The following PCBD2 variants were observed in gnomAD, a reference collection of about 807,000 sequenced individuals.
The protein encoded by PCBD2 is pterin-4-alpha-carbinolamine dehydratase 2.
A neutral mutation model predicts 16.4 loss-of-function variants in PCBD2; 12 were observed. The observed-to-expected ratio is 0.73, with a 90% CI of 0.47 to 1.19. PCBD2 has a LOEUF of 1.19. Among genes scored for constraint, PCBD2 ranks in the 50% most tolerant of loss-of-function variants. The pLI, the probability that PCBD2 is intolerant of heterozygous loss-of-function variation, is 0.00. For missense variants in PCBD2, 138 were observed against 156.8 expected (o/e 0.88, Z 0.64); for synonymous variants, 58 against 61.8 (o/e 0.94, Z 0.29).
intron 1 of PCBD2, among the ~76,000 whole-genome samples, chr5:134,906,792 A>C (rs1292973571): frequency 6.6e-6 from 1 of 152,204 alleles, no homozygotes; most frequent in African/African-American, 2.4e-5. Context: ...AGGATCCCGG[A>C]ATTCAGAAAA....
chr5:134,944,323 G>A (rs1378283291), intron 2 of PCBD2, among the ~76,000 whole-genome samples: 1 of 152,136 alleles, frequency 6.6e-6, no homozygotes, highest in African/African-American at 2.4e-5. Flanking sequence ...AAATGAACAT[G>A]GTCAATGCCA....
At chr5:134,917,650 T>C (rs1750849949) in intron 2 of PCBD2, among the ~76,000 whole-genome samples, 1 of 152,198 alleles carries the variant, frequency 6.6e-6, no homozygotes, top group Non-Finnish European at 1.5e-5. Context: ...ATTGGTTTTG[T>C]ATCTTGTTCA....
intron 2 of PCBD2, among the ~76,000 whole-genome samples, chr5:134,929,231 C>T (rs1751061257): frequency 6.6e-6 from 1 of 151,796 alleles, no homozygotes; most frequent in Non-Finnish European, 1.5e-5. Context: ...CCTGTAATCC[C>T]AGCATTTTGG....
intron 2 of PCBD2, among the ~76,000 whole-genome samples, chr5:134,918,781 T>G (rs1750864960): frequency 6.6e-6 from 1 of 152,242 alleles, no homozygotes; most frequent in Admixed American, 6.5e-5. Flanking sequence ...GTGTTCATGT[T>G]GGTGTTCCCT....
intron 2 of PCBD2, among the ~76,000 whole-genome samples, chr5:134,914,938 G>T (rs1227592699): frequency 6.6e-6 from 1 of 152,168 alleles, no homozygotes; most frequent in Non-Finnish European, 1.5e-5. Context: ...CTACCAAAGT[G>T]TTGGGATTAC....
chr5:134,939,340 GT>G (rs11301782), intron 2 of PCBD2, among the ~76,000 whole-genome samples: 8,391 of 138,456 alleles, frequency 0.061, 451 homozygotes, highest in African/African-American at 0.16. Flanking sequence ...ATGTTTTGTT[GT>G]TTTTTTTTTT....
chr5:134,929,785 G>A (rs541399056), intron 2 of PCBD2, among the ~76,000 whole-genome samples: 1 of 152,138 alleles, frequency 6.6e-6, no homozygotes, highest in South Asian at 2.1e-4. Flanking sequence ...TCCAACTCCT[G>A]GGCTCAAGTG....
At chr5:134,953,895 C>G (rs1056959480) in intron 2 of PCBD2, among the ~76,000 whole-genome samples, 1 of 152,040 alleles carries the variant, frequency 6.6e-6, no homozygotes, top group Non-Finnish European at 1.5e-5. Flanking sequence ...ATATTTTCTC[C>G]TACTTTTTGT....
chr5:134,910,664 A>G (rs1212722811), intron 2 of PCBD2, among the ~76,000 whole-genome samples, 198 bp downstream of exon 2: 4 of 152,214 alleles, frequency 2.6e-5, no homozygotes, highest in African/African-American at 9.6e-5. Flanking sequence ...CTCTGGGGGA[A>G]GAGGGTGGTT....
At chr5:134,946,247 C>T (rs1051564274) in intron 2 of PCBD2, among the ~76,000 whole-genome samples, 19 of 152,060 alleles carry the variant, frequency 1.2e-4, no homozygotes, top group Non-Finnish European at 1.9e-4. Flanking sequence ...TGGTTTCCTT[C>T]AGCTCGATGT....
chr5:134,917,877 G>A lies in PCBD2; in HGVS notation c.216+7411G>A, dbSNP rs189926303. Among the ~76,000 whole-genome samples the A allele has an allele frequency of 4.0e-5, 6 of 151,844 alleles. No homozygotes were observed. The East Asian group carries it at 9.7e-4, about 25-fold the overall frequency. ...AGAGCAGTTCAAAGTTACTTTTGCT[G>A]CCTTACTTTATAAAAATGTTTTATT... On this transcript the variant is annotated intron_variant, in intron 2 of 3. Transcript: ENST00000254908.
Position 134,952,851 on chromosome 5 carries a change from T to G in PCBD2, c.217-6189T>G, listed in dbSNP as rs116242171. 6.8e-3 allele frequency among the ~76,000 whole-genome samples: 1,027 copies of G among 152,122 alleles called. 9 individuals are homozygous for G. Among genetic ancestry groups the G allele is most frequent in the African/African-American group, 0.024 (985 of 41,502 alleles). ...TAATTAAAGTCTCCAACTATAAATG[T>G]TTCTATTTATTCCTATATTTCCTAC... On this transcript the variant is annotated intron_variant, in intron 2 of 3. Coordinates refer to ENST00000254908, the MANE Select transcript of PCBD2 (RefSeq NM_032151.5).
intron 2 of PCBD2, among the ~76,000 whole-genome samples, chr5:134,938,648 G>A (rs1032800123): frequency 1.3e-5 from 2 of 152,152 alleles, no homozygotes; most frequent in African/African-American, 4.8e-5. Context: ...GTGGAGAAGG[G>A]GGAGGGGATA....
chr5:134,958,910 C>T, intron 2 of PCBD2, 130 bp from the exon 3 acceptor site: 1 of 661,572 alleles, frequency 1.5e-6, no homozygotes, highest in Non-Finnish European at 2.6e-6. Flanking sequence ...GCAGTCCTTT[C>T]ATAGTTGATT....
chr5:134,959,883 CTTTTTTTTTTT>C (rs776164485), intron 3 of PCBD2, among the ~76,000 whole-genome samples: 4 of 72,992 alleles, frequency 5.5e-5, no homozygotes, highest in Admixed American at 2.0e-4. Flanking sequence ...TAGAAATGTG[CTTTTTTTTTTT>C]TTTTTTTTTT....
intron 2 of PCBD2, among the ~76,000 whole-genome samples, chr5:134,920,758 C>T (rs1750894067): frequency 6.6e-6 from 1 of 151,884 alleles, no homozygotes; most frequent in Admixed American, 6.6e-5. Context: ...TAGGTTCAAG[C>T]GATTCTCCCA....
At chr5:134,957,063 G>A (rs1362139166) in intron 2 of PCBD2, among the ~76,000 whole-genome samples, 1 of 152,112 alleles carries the variant, frequency 6.6e-6, no homozygotes, top group East Asian at 1.9e-4. Context: ...AGGAGTTCAA[G>A]ACCAGCCTGG....
intron 2 of PCBD2, among the ~76,000 whole-genome samples, chr5:134,938,038 T>C (rs1467467288): frequency 6.6e-6 from 1 of 152,220 alleles, no homozygotes; most frequent in East Asian, 1.9e-4. Context: ...GAATTGCTTT[T>C]GGTGCAGAAC....
At chr5:134,955,640 T>C (rs1751407112) in intron 2 of PCBD2, among the ~76,000 whole-genome samples, 1 of 152,166 alleles carries the variant, frequency 6.6e-6, no homozygotes, top group African/African-American at 2.4e-5. Flanking sequence ...CTCCTTTGTT[T>C]GTCCTTACAT....
Sources: gnomAD v4.1 joint callset for allele counts (sites outside exome capture counted in the v4.1 genomes callset) on GRCh38, gnomAD v4.1.1 for gene constraint, MANE v1.5 for transcripts, NCBI Gene and HGNC (gene_info 2026-07-23, HGNC 2026-07-21) for gene names.